The following MAGI1 variants were observed in gnomAD, a reference collection of about 807,000 sequenced individuals.
MAGI1 encodes membrane associated guanylate kinase, WW and PDZ domain containing 1.
Under a neutral mutation model 139.9 loss-of-function variants are expected in MAGI1, and 58 were observed. The ratio of observed to expected loss-of-function variants is 0.41; its 90% CI spans 0.34 to 0.52. The LOEUF is 0.52. Ranked by LOEUF, MAGI1 falls within the 20% of genes least tolerant of loss-of-function variation. The pLI is 0.12. For missense variants in MAGI1, 1,874 were observed against 1,901.6 expected, an observed-to-expected ratio of 0.99 and a Z score of 0.27; for synonymous variants, 812 against 737.9, an observed-to-expected ratio of 1.10 and a Z score of -1.63.
intron 2 of MAGI1, among the ~76,000 whole-genome samples, chr3:65,600,716 C>A (rs945329963): frequency 2.0e-5 from 3 of 152,204 alleles, no homozygotes; most frequent in Non-Finnish European, 4.4e-5. Flanking sequence ...AATGTAGACA[C>A]TTCTTTACTG....
chr3:65,870,545 G>A (rs975302329), intron 1 of MAGI1, among the ~76,000 whole-genome samples: 1 of 151,388 alleles, frequency 6.6e-6, no homozygotes, highest in African/African-American at 2.4e-5. Flanking sequence ...AAGACAGGGA[G>A]GCAGAAAGGA....
chr3:65,493,885 A>G (rs1005379519), intron 2 of MAGI1, among the ~76,000 whole-genome samples: 27 of 152,182 alleles, frequency 1.8e-4, no homozygotes, highest in African/African-American at 3.4e-4. Context: ...GGTAACCTAG[A>G]GAGAGTTTTA....
intron 1 of MAGI1, among the ~76,000 whole-genome samples, chr3:66,001,790 T>C (rs1213447628): frequency 1.3e-5 from 2 of 152,220 alleles, no homozygotes; most frequent in East Asian, 1.9e-4. Flanking sequence ...ATGGAAAATT[T>C]TGGACATCTG....
At position 65,848,593 on chromosome 3, in the gene MAGI1, T is replaced by A. The variant is rs149355231; in HGVS notation, c.313+189403A>T. Among the ~76,000 whole-genome samples, 600 of 141,758 alleles carry A rather than the reference T, an allele frequency of 4.2e-3. 6 individuals are homozygous for A. The highest frequency in any genetic ancestry group is 0.022 in the Middle Eastern group (6 of 272). 93.0% of individuals were successfully genotyped at this position (141,758 alleles called of 152,430 possible). Reference sequence around the variant, plus strand: ...TAAGTTGTATTCTTTTTTTTTTTTTTATTTTCTTTCTAAGCTGAGAGTTTT... The same window carrying A: ...TAAGTTGTATTCTTTTTTTTTTTTTAATTTTCTTTCTAAGCTGAGAGTTTT... On this transcript the variant is annotated intron_variant, in intron 1 of 22. Coordinates refer to ENST00000402939, the MANE Select transcript of MAGI1 (RefSeq NM_001033057.2).
Position 65,429,563 on chromosome 3 carries a change from C to A in MAGI1, c.2124G>T (p.Glu708Asp), listed in dbSNP as rs771747868. 1 of 1,613,914 alleles carries A rather than the reference C, an allele frequency of 6.2e-7. No homozygotes were observed. Among genetic ancestry groups the A allele is most frequent in the East Asian group, 2.2e-5 (1 of 44,866 alleles). The change falls in exon 12 of 23, where the codon GAG (glutamate) becomes GAT (aspartate). Residue 708 changes from glutamate (E) to aspartate (D), a missense_variant. By Grantham distance (45) the Glu-to-Asp change is conservative. Around this residue, in one of 5 missense-constraint regions of MAGI1, gnomAD observed 482 missense variants for 509.6 expected, o/e 0.95. Coordinates refer to ENST00000402939, the MANE Select transcript of MAGI1 (RefSeq NM_001033057.2). ...THNQVVDMLV[E>D]CPKGSEVTLL... ...ATGTGACCTCACTTCCCTTAGGACA[C>A]TCAACCAGCATATCCACCACTTGGT...
chr3:65,368,944 T>G (rs1941704989), intron 18 of MAGI1, among the ~76,000 whole-genome samples: 1 of 152,214 alleles, frequency 6.6e-6, no homozygotes. Flanking sequence ...CTTCTGTCCT[T>G]GTCTGATTAA....
chr3:65,425,222 C>T (rs1165063046), intron 12 of MAGI1, among the ~76,000 whole-genome samples: 1 of 151,736 alleles, frequency 6.6e-6, no homozygotes, highest in African/African-American at 2.4e-5. Context: ...TGCTTCCCCA[C>T]CCAATTGCCA....
intron 1 of MAGI1, among the ~76,000 whole-genome samples, chr3:65,927,430 C>T (rs2062580312): frequency 6.6e-6 from 1 of 152,194 alleles, no homozygotes. Flanking sequence ...TGTCTCATTG[C>T]AGGATCCAAA....
intron 1 of MAGI1, among the ~76,000 whole-genome samples, chr3:65,968,956 G>A (rs1171028283): frequency 1.3e-5 from 2 of 152,168 alleles, no homozygotes; most frequent in Admixed American, 6.5e-5. Context: ...TAGTCAGAGA[G>A]CATATTTGTA....
chr3:65,917,685 G>A (rs2061969805), intron 1 of MAGI1, among the ~76,000 whole-genome samples: 1 of 152,202 alleles, frequency 6.6e-6, no homozygotes, highest in Non-Finnish European at 1.5e-5. Context: ...AGAAGCCAAT[G>A]TGAAACGGCT....
At position 65,375,847 on chromosome 3, in the gene MAGI1, C is replaced by G. The variant is rs756445885; in HGVS notation, c.3094G>C (p.Ala1032Pro). The change falls in exon 18 of 23, where the codon GCA becomes CCA. Residue 1032 changes from alanine (A) to proline (P), a missense_variant. Transcript: ENST00000402939. ...GKLKVGDRILAVNGCSITNKS... is the reference protein window; with the variant it reads ...GKLKVGDRILPVNGCSITNKS... ...TTGGTGATGGAACATCCATTTACTGCCAAGATCCGGTCTCCTACTTTCAGC... is the reference window on the plus strand; with the variant it reads ...TTGGTGATGGAACATCCATTTACTGGCAAGATCCGGTCTCCTACTTTCAGC... 1 of 1,614,104 alleles carries G rather than the reference C, an allele frequency of 6.2e-7. No individual in the cohort carries two copies.
chr3:65,525,658 T>C (rs753115164), intron 2 of MAGI1, among the ~76,000 whole-genome samples: 6 of 152,214 alleles, frequency 3.9e-5, no homozygotes, highest in Non-Finnish European at 7.3e-5. Flanking sequence ...GTCATTCAAT[T>C]ACAGTCACAG....
At chr3:66,025,981 T>C (rs2068238342) in intron 1 of MAGI1, among the ~76,000 whole-genome samples, 1 of 152,134 alleles carries the variant, frequency 6.6e-6, no homozygotes, top group Non-Finnish European at 1.5e-5. Context: ...TCTAGATGCC[T>C]ACGCTTTTTA....
chr3:65,400,142 G>A (rs1258211678), intron 13 of MAGI1, among the ~76,000 whole-genome samples: 3 of 152,138 alleles, frequency 2.0e-5, no homozygotes, highest in Admixed American at 6.5e-5. Context: ...ATGCGCACAT[G>A]CACACACTTT....
At chr3:65,838,651 T>C (rs1434679189) in intron 1 of MAGI1, among the ~76,000 whole-genome samples, 4 of 152,256 alleles carry the variant, frequency 2.6e-5, no homozygotes, top group African/African-American at 9.6e-5. Flanking sequence ...TAGCACACTT[T>C]AGTTGTTGAA....
Position 65,416,445 on chromosome 3 carries a change from A to C in MAGI1, c.2167+13075T>G, listed in dbSNP as rs538565534. On this transcript the variant is annotated intron_variant, in intron 12 of 22. Transcript: ENST00000402939. The stretch of plus-strand genomic sequence containing the variant: ...GGTCTATTAGAATTTTTCATGGCAA[A>C]GGTAATACACCAAATGAGATTTCTA... Among the ~76,000 whole-genome samples, 545 of 152,328 alleles carry C rather than the reference A, an allele frequency of 3.6e-3. 3 individuals carry two copies. Among genetic ancestry groups the C allele is most frequent in the South Asian group, 0.025 (121 of 4,826 alleles).
intron 12 of MAGI1, among the ~76,000 whole-genome samples, chr3:65,425,126 A>C (rs555292169): frequency 0.14 from 9,855 of 69,324 alleles, 1,548 homozygotes; most frequent in East Asian, 0.71. Flanking sequence ...AAAAAAAAAA[A>C]AAAAAACAAA....
intron 1 of MAGI1, among the ~76,000 whole-genome samples, chr3:65,762,313 T>C (rs1177125987): frequency 6.6e-6 from 1 of 152,074 alleles, no homozygotes; most frequent in African/African-American, 2.4e-5. Flanking sequence ...AAAGTCTAAA[T>C]AGTTGGTTAG....
intron 7 of MAGI1, among the ~76,000 whole-genome samples, chr3:65,444,366 G>C (rs1173038226): frequency 6.6e-6 from 1 of 151,970 alleles, no homozygotes; most frequent in Non-Finnish European, 1.5e-5. Flanking sequence ...CCAAAGAGTT[G>C]GGAAATCGAA....
Sources: allele counts gnomAD v4.1 joint callset (sites outside exome capture counted in the v4.1 genomes callset), GRCh38; gene constraint gnomAD v4.1.1; regional missense constraint gnomAD v4.1.1; transcripts MANE v1.5; gene names NCBI Gene and HGNC (gene_info 2026-07-23, HGNC 2026-07-21).